The following AHRR variants were observed in gnomAD, a reference collection of about 807,000 sequenced individuals.
The protein encoded by AHRR is aryl hydrocarbon receptor repressor, also known as ahR repressor.
AHRR carries 28 observed loss-of-function variants against 44.0 expected under a neutral mutation model. That is an observed-to-expected ratio of 0.64 (90% CI 0.47 to 0.87). The LOEUF (loss-of-function observed/expected upper bound fraction) is 0.87. Ranked by LOEUF, AHRR falls within the 40% of genes least tolerant of loss-of-function variation. AHRR has a pLI of 0.00. For synonymous variants in AHRR, 434 were observed against 407.0 expected (o/e 1.07, Z -0.80); for missense variants, 990 against 953.9 (o/e 1.04, Z -0.50).
chr5:344,975 T>G (rs1353277031), intron 2 of AHRR, among the ~76,000 whole-genome samples: 5 of 46,414 alleles, frequency 1.1e-4, no homozygotes, highest in Non-Finnish European at 2.1e-4. Context: ...GGGGGCTGTG[T>G]GGGGTGTGTG....
In AHRR at chr5:403,672, T is replaced by C. The variant is rs1331308773; in HGVS notation, c.352-9672T>C. On this transcript the variant is annotated intron_variant, in intron 4 of 10. Coordinates refer to ENST00000684583, the MANE Select transcript of AHRR (RefSeq NM_001377236.1). Reference sequence around the variant, plus strand: ...AAAAAAAAGTAACCACTTTAAATAGTTAAAATGGTATTTTTTTTTTTTTAC... The same window carrying C: ...AAAAAAAAGTAACCACTTTAAATAGCTAAAATGGTATTTTTTTTTTTTTAC... The C allele has an allele frequency of 2.6e-5, 18 of 679,902 alleles. No individual in the cohort carries two copies. The East Asian group carries it at 4.7e-4, about 18-fold the overall frequency. The allele number at this position is 679,902 out of a possible 1,614,324, so 42.1% of individuals were successfully genotyped here. A position where few individuals can be genotyped will look rare whatever the true frequency, so the allele number is the denominator to read the frequency against.
intron 4 of AHRR, among the ~76,000 whole-genome samples, chr5:390,791 C>T (rs953930695): frequency 4.6e-5 from 7 of 151,898 alleles, no homozygotes; most frequent in Admixed American, 1.3e-4. Flanking sequence ...AGAGGAGGGG[C>T]GGGTTTCATG....
chr5:360,691 G>A (rs1471355780), intron 3 of AHRR, among the ~76,000 whole-genome samples: 1 of 152,192 alleles, frequency 6.6e-6, no homozygotes, highest in African/African-American at 2.4e-5. Flanking sequence ...GAATGTGCCC[G>A]TGGAACGCGA....
At chr5:389,902 G>C (rs1311197095) in intron 4 of AHRR, among the ~76,000 whole-genome samples, 5 of 122,276 alleles carry the variant, frequency 4.1e-5, no homozygotes, top group African/African-American at 1.2e-4. Context: ...AGGAAAGGGT[G>C]GGGGGAGGGG....
rs111801230 is a variant in AHRR at position 359,682 on chromosome 5, C to CA, written c.244+5772dup. On this transcript the variant is annotated intron_variant, in intron 3 of 10. Transcript: ENST00000684583. ...TTGTTCCTTTGCATCCACCGTGCTCCACTGTGGGGCCTGAACACACACCTG... is the reference window on the plus strand; with the variant it reads ...TTGTTCCTTTGCATCCACCGTGCTCCAACTGTGGGGCCTGAACACACACCTG... 3.9e-5 allele frequency among the ~76,000 whole-genome samples: 6 copies of CA among 152,278 alleles called. 1 individual carries two copies. The highest frequency in any genetic ancestry group is 1.4e-4 in the African/African-American group (6 of 41,576).
At chr5:422,459 G>T in intron 5 of AHRR, 1 of 476,808 alleles carries the variant, frequency 2.1e-6, no homozygotes, top group East Asian at 4.2e-5. Context: ...GAAGATGCCC[G>T]TCTCTTAGCC....
At chr5:375,472 G>C (rs148615515) in intron 3 of AHRR, among the ~76,000 whole-genome samples, 406 of 152,352 alleles carry the variant, frequency 2.7e-3, no homozygotes, top group African/African-American at 9.2e-3. Context: ...ATCCGGTGAA[G>C]CATGGCCGCC....
chr5:413,109 AT>A (rs1735537629), intron 4 of AHRR, among the ~76,000 whole-genome samples: 1 of 152,128 alleles, frequency 6.6e-6, no homozygotes, highest in Non-Finnish European at 1.5e-5. Flanking sequence ...GGTGCACATA[AT>A]TTTATATTTA....
intron 8 of AHRR, among the ~76,000 whole-genome samples, chr5:431,236 C>T (rs1054089526): frequency 1.3e-4 from 20 of 152,290 alleles, no homozygotes; most frequent in Admixed American, 3.3e-4. Context: ...GGTGTGGGGC[C>T]GAAGGTCACA....
intron 3 of AHRR, among the ~76,000 whole-genome samples, chr5:369,528 C>T (rs570172746): frequency 6.6e-5 from 10 of 152,336 alleles, no homozygotes; most frequent in South Asian, 4.1e-4. Context: ...TCCCGCTGCA[C>T]GAGCCCGGGC....
chr5:376,521 A>C (rs1733668794), intron 3 of AHRR, 89 bp from the exon 4 acceptor site: 39 of 1,388,348 alleles, frequency 2.8e-5, no homozygotes, highest in South Asian at 7.2e-5. Context: ...CGTGGGGTGA[A>C]CGCGGGGAAA....
At position 395,734 on chromosome 5, in the gene AHRR, A is replaced by T. The variant is rs1322439816; in HGVS notation, c.352-17610A>T. Among the ~76,000 whole-genome samples the T allele has an allele frequency of 6.6e-6, 1 of 152,166 alleles. No homozygotes were observed. The highest frequency in any genetic ancestry group is 1.5e-5 in the Non-Finnish European group (1 of 68,012). ...AGCAGTTGAAATTTAACAAGTGGGG[A>T]GACACTCCTCCGCCACAGGCTGCTG... On this transcript the variant is annotated intron_variant, in intron 4 of 10. Transcript: ENST00000684583. This position sits in a 1 kb window ranked among gnomAD's most constrained non-coding sequence, Gnocchi z 5.3.
At chr5:379,793 T>C (rs1251029050) in intron 4 of AHRR, among the ~76,000 whole-genome samples, 1 of 152,248 alleles carries the variant, frequency 6.6e-6, no homozygotes, top group Non-Finnish European at 1.5e-5. Flanking sequence ...GGCTTGTCTT[T>C]TTATTCTTTT....
Position 433,979 on chromosome 5 carries a change from G to T in AHRR, c.1239G>T (p.Arg413Ser). ...TAGKHSEDGA[R>S]PRLQPSKNDP... is the part of the protein sequence containing the mutation. The stretch of plus-strand genomic sequence containing the variant: ...GAAAGCACAGTGAGGATGGTGCCAG[G>T]CCGAGGCTGCAGCCCAGCAAGAATG... Residue 413 changes from arginine to serine, a missense_variant, in exon 11 of 11, where the codon AGG (arginine) becomes AGT (serine). Arg to Ser is a moderately radical substitution (Grantham distance 110). Coordinates refer to ENST00000684583, the MANE Select transcript of AHRR (RefSeq NM_001377236.1). 6.4e-7 allele frequency: 1 copy of T among 1,568,952 alleles called. No individual in the cohort carries two copies. Among genetic ancestry groups the T allele is most frequent in the Non-Finnish European group, 8.6e-7 (1 of 1,157,440 alleles).
intron 4 of AHRR, among the ~76,000 whole-genome samples, chr5:398,802 C>T (rs1396614746): frequency 6.6e-6 from 1 of 152,196 alleles, no homozygotes; most frequent in Non-Finnish European, 1.5e-5. Flanking sequence ...CTGCGGGCTC[C>T]GGAGGCCGTG....
At chr5:354,019 T>C (rs2126395713) in intron 3 of AHRR, 108 bp downstream of exon 3, 3 of 1,178,772 alleles carry the variant, frequency 2.5e-6, no homozygotes, top group Non-Finnish European at 2.4e-6. Flanking sequence ...GGTTGCACCA[T>C]GTGCACTCCC....
chr5:322,617 C>T (rs1292713630), intron 1 of AHRR: 2 of 152,274 alleles, frequency 1.3e-5, no homozygotes, highest in Admixed American at 6.5e-5. Context: ...CTCACAGCCG[C>T]CCCGGCCTGG....
intron 5 of AHRR, chr5:420,810 C>CGCACAGACCCACGCACGCAGCACGCACAG (rs1736053068): frequency 3.1e-5 from 2 of 65,458 alleles, no homozygotes; most frequent in African/African-American, 3.5e-4. Context: ...GCCACGCAGC[C>CGCACAGACCCACGCACGCAGCACGCACAG]ACCCACCCAC....
intron 5 of AHRR, among the ~76,000 whole-genome samples, chr5:420,457 T>C (rs10068469): frequency 0.023 from 3,453 of 152,304 alleles, 79 homozygotes; most frequent in Admixed American, 0.053. Context: ...GGGGGGCCTT[T>C]GCAGTTGAAC....
Sources: allele counts gnomAD v4.1 joint callset (sites outside exome capture counted in the v4.1 genomes callset), GRCh38; gene constraint gnomAD v4.1.1; non-coding constraint Gnocchi (gnomAD v3.1); transcripts MANE v1.5; gene names NCBI Gene and HGNC (gene_info 2026-07-23, HGNC 2026-07-21).